MOCS1: variants seen among roughly 807,000 people sequenced by gnomAD.
MOCS1 encodes molybdenum cofactor synthesis 1, also known as molybdenum cofactor biosynthesis protein 1.
MOCS1 carries 39 observed loss-of-function variants against 57.6 expected under a neutral mutation model. The observed-to-expected ratio is 0.68, with a 90% confidence interval of 0.52 to 0.88. The LOEUF (loss-of-function observed/expected upper bound fraction) is 0.88. MOCS1 is among the 40% of genes least tolerant of loss of function. The pLI is 0.00. For synonymous variants in MOCS1, 334 were observed against 335.7 expected (o/e 1.00, Z 0.05); for missense variants, 795 against 831.1 (o/e 0.96, Z 0.53).
chr6:39,905,433 G>GGATT lies in MOCS1; in HGVS notation c.*920_*923dup, dbSNP rs3839624. On this transcript the variant is annotated 3_prime_UTR_variant, in exon 11 of 11. Coordinates refer to ENST00000340692, the MANE Select transcript of MOCS1 (RefSeq NM_001358530.2). Reference sequence around the variant, plus strand: ...CCTCAGGGAACTGTGTCTTGGGATAGGATTGATTGATTGATTGATAGGTGC... The same window carrying GGATT: ...CCTCAGGGAACTGTGTCTTGGGATAGGATTGATTGATTGATTGATTGATAGGTGC... 764 of 470,680 alleles carry GGATT rather than the reference G, an allele frequency of 1.6e-3. 2 individuals are homozygous for GGATT. The highest frequency in any genetic ancestry group is 4.2e-3 in the South Asian group (274 of 64,566). The allele number at this position is 470,680 out of a possible 1,614,324, so 29.2% of individuals were successfully genotyped here.
intron 2 of MOCS1, among the ~76,000 whole-genome samples, chr6:39,926,790 G>A (rs1768336726): frequency 7.4e-6 from 1 of 134,238 alleles, no homozygotes; most frequent in Non-Finnish European, 1.6e-5. Flanking sequence ...AGGAACAGAG[G>A]GGAAGGAAGA....
intron 8 of MOCS1, among the ~76,000 whole-genome samples, chr6:39,911,959 G>A (rs747843419): frequency 2.6e-5 from 4 of 152,176 alleles, no homozygotes; most frequent in African/African-American, 4.8e-5. Flanking sequence ...ACCATGGCGG[G>A]GGCCAGGCAA....
intron 1 of MOCS1, among the ~76,000 whole-genome samples, chr6:39,930,948 T>A (rs1219441610): frequency 1.3e-5 from 2 of 152,210 alleles, no homozygotes. Flanking sequence ...AGGTTTTCAT[T>A]CAGTGATCCA....
At chr6:39,930,036 G>A (rs1015139097) in intron 1 of MOCS1, among the ~76,000 whole-genome samples, 1 of 151,066 alleles carries the variant, frequency 6.6e-6, no homozygotes, top group African/African-American at 2.4e-5. Context: ...CTGTGACCTT[G>A]TCTAGACTTA....
rs374575232 is a variant in MOCS1 at position 39,916,166 on chromosome 6, C to T, written c.485G>A (p.Arg162Gln). 1.9e-5 allele frequency: 31 copies of T among 1,613,854 alleles called. No individual in the cohort carries two copies. Among genetic ancestry groups the T allele is most frequent in the East Asian group, 6.7e-5 (3 of 44,888 alleles). Reference protein sequence around the residue: ...GVTTNGINLARLLPQLQKAGL... With the variant: ...GVTTNGINLAQLLPQLQKAGL... ...AGCCTTCTGAAGCTGGGGCAGTAGC[C>T]GGGCCAGGTTGATGCCATTGGTGGT... is the stretch of plus-strand genomic sequence containing the variant. The change falls in exon 4 of 11, where the codon CGG becomes CAG. Residue 162 changes from arginine to glutamine, a missense_variant. Transcript: ENST00000340692.
intron 8 of MOCS1, among the ~76,000 whole-genome samples, chr6:39,911,606 C>G (rs138153299): frequency 6.6e-6 from 1 of 152,162 alleles, no homozygotes; most frequent in African/African-American, 2.4e-5. Context: ...GTAGTCTTCC[C>G]ATAGCTGACT....
At chr6:39,927,835 G>T in intron 1 of MOCS1, 2 of 1,104,764 alleles carry the variant, frequency 1.8e-6, no homozygotes, top group Non-Finnish European at 2.4e-6. Flanking sequence ...AGAAGAGACT[G>T]CTGAAGGCCA....
rs1413885250 is a variant in MOCS1 at position 39,905,320 on chromosome 6, T to C, written c.*1037A>G. On this transcript the variant is annotated 3_prime_UTR_variant, in exon 11 of 11. Coordinates refer to ENST00000340692, the MANE Select transcript of MOCS1 (RefSeq NM_001358530.2). ...AAAGATTTCCCTTAGATGGTGCATT[T>C]CTATGCCCCCTACTCCACTTTATTT... 2.2e-6 allele frequency: 1 copy of C among 456,358 alleles called. No homozygotes were observed. The highest frequency in any genetic ancestry group is 2.0e-5 in the African/African-American group (1 of 50,064). 28.3% of individuals were successfully genotyped at this position (456,358 alleles called of 1,614,324 possible).
At chr6:39,914,713 G>T (rs1351416503) in intron 4 of MOCS1, among the ~76,000 whole-genome samples, 1 of 152,038 alleles carries the variant, frequency 6.6e-6, no homozygotes, top group East Asian at 1.9e-4. Context: ...GAGGGTAAAG[G>T]GAAAAATGTA....
intron 3 of MOCS1, among the ~76,000 whole-genome samples, chr6:39,917,095 T>C (rs1265136917): frequency 6.6e-6 from 1 of 152,184 alleles, no homozygotes; most frequent in Admixed American, 6.5e-5. Context: ...AAGCCAGCCA[T>C]GGGGCTGTAT....
At chr6:39,930,475 A>C (rs1299271951) in intron 1 of MOCS1, among the ~76,000 whole-genome samples, 1 of 152,198 alleles carries the variant, frequency 6.6e-6, no homozygotes, top group Non-Finnish European at 1.5e-5. Context: ...TCACATGAAC[A>C]AATAGTCCTG....
chr6:39,927,533 C>G (rs781408309), intron 1 of MOCS1, 78 bp from the exon 2 acceptor site: 3 of 1,611,298 alleles, frequency 1.9e-6, no homozygotes, highest in Non-Finnish European at 1.7e-6. Context: ...CCGCCTGCCC[C>G]CTCCCTTACT....
intron 1 of MOCS1, among the ~76,000 whole-genome samples, chr6:39,929,853 A>G (rs1002949056): frequency 6.6e-6 from 1 of 150,836 alleles, no homozygotes; most frequent in Non-Finnish European, 1.5e-5. Flanking sequence ...GAGGCAAGAG[A>G]ATCGCTTGAA....
rs764244855 is a variant in MOCS1 at position 39,905,325 on chromosome 6, G to GC, written c.*1031dup. 1.5e-5 allele frequency: 7 copies of GC among 456,558 alleles called. No homozygotes were observed. Among genetic ancestry groups the GC allele is most frequent in the Admixed American group, 9.4e-5 (4 of 42,560 alleles). 28.3% of individuals were successfully genotyped at this position (456,558 alleles called of 1,614,324 possible). A position where few individuals can be genotyped will look rare whatever the true frequency, so the allele number is the denominator to read the frequency against. On this transcript the variant is annotated 3_prime_UTR_variant, in exon 11 of 11. Transcript: ENST00000340692. ...TTTCCCTTAGATGGTGCATTTCTAT[G>GC]CCCCCTACTCCACTTTATTTTCCCA...
At position 39,934,347 on chromosome 6, in the gene MOCS1, C is replaced by G. The variant is rs1258146894; in HGVS notation, c.71G>C (p.Gly24Ala). Reference protein sequence around the residue: ...LRSSARSCSSGAPVTQPCPGE... With the variant: ...LRSSARSCSSAAPVTQPCPGE... ...GGGGCAGGGCTGGGTCACCGGAGCC[C>G]CTGAGCTGCAGCTCCGGGCGCTGGA... Residue 24 changes from glycine (G) to alanine (A), a missense_variant, in exon 1 of 11, where the codon GGG (glycine) becomes GCG (alanine). This residue lies in a region of MOCS1 where 416 missense variants were observed against 392.4 expected (regional missense o/e 1.06). Transcript: ENST00000340692. 4.5e-6 allele frequency: 7 copies of G among 1,553,944 alleles called. No individual in the cohort carries two copies. In the East Asian group the frequency reaches 1.4e-4, roughly 32 times the overall value.
At position 39,909,910 on chromosome 6, in the gene MOCS1, G is replaced by A. The variant is rs746098961; in HGVS notation, c.1027C>T (p.Arg343Ter). 6 of 1,613,808 alleles carry A rather than the reference G, an allele frequency of 3.7e-6. No individual in the cohort carries two copies. Among genetic ancestry groups the A allele is most frequent in the Admixed American group, 3.3e-5 (2 of 60,022 alleles). ...NSEVSLRDHLRAGASEQELLR... is the reference protein window; with the variant it reads ...NSEVSLRDHL ...AGCTCCTGCTCAGAGGCCCCAGCTC[G>A]CAGGTGATCCCGCAGGGATACCTCA... Residue 343 changes from arginine (R) to a stop codon, truncating the protein, a stop_gained, in exon 9 of 11, where the codon CGA becomes TGA. Coordinates refer to ENST00000340692, the MANE Select transcript of MOCS1 (RefSeq NM_001358530.2). LOFTEE classifies it high-confidence loss of function.
intron 3 of MOCS1, among the ~76,000 whole-genome samples, chr6:39,920,646 CACTT>C (rs1767913149): frequency 6.6e-6 from 1 of 152,174 alleles, no homozygotes; most frequent in Admixed American, 6.5e-5. Flanking sequence ...CACAGCATGA[CACTT>C]ACAAACTTCA....
chr6:39,912,449 A>T, intron 7 of MOCS1, 75 bp from the exon 8 acceptor site: 1 of 1,050,846 alleles, frequency 9.5e-7, no homozygotes, highest in East Asian at 2.4e-5. Flanking sequence ...ACTCCATGAC[A>T]TCAGAACCTC....
At chr6:39,922,333 G>C (rs112444933) in intron 3 of MOCS1, among the ~76,000 whole-genome samples, 1 of 152,134 alleles carries the variant, frequency 6.6e-6, no homozygotes, top group Non-Finnish European at 1.5e-5. Context: ...TGTGCCCTAG[G>C]GGCTGCACAT....
Sources: gnomAD v4.1 joint callset for allele counts (sites outside exome capture counted in the v4.1 genomes callset) on GRCh38, gnomAD v4.1.1 for gene constraint, gnomAD v4.1.1 regional missense constraint, MANE v1.5 for transcripts, NCBI Gene and HGNC (gene_info 2026-07-23, HGNC 2026-07-21) for gene names.